The following HTR4 variants were observed in gnomAD, a reference collection of about 807,000 sequenced individuals.
HTR4 encodes the protein 5-hydroxytryptamine (serotonin) receptor 4, G protein-coupled.
Under a neutral mutation model 36.8 loss-of-function variants are expected in HTR4, and 16 were observed. The observed-to-expected ratio is 0.43, with a 90% confidence interval of 0.29 to 0.66. The LOEUF (loss-of-function observed/expected upper bound fraction) is 0.66. Among genes scored for constraint, HTR4 ranks in the 30% least tolerant of loss-of-function variants. The probability of loss-of-function intolerance (pLI) is 0.13; values close to 1 mark genes in which losing one functional copy is unlikely to be tolerated. For synonymous variants in HTR4, 189 were observed against 185.1 expected, an observed-to-expected ratio of 1.02 and a Z score of -0.17; for missense variants, 438 against 490.9, an observed-to-expected ratio of 0.89 and a Z score of 1.02.
chr5:148,610,956 G>T (rs984652595), intron 2 of HTR4, among the ~76,000 whole-genome samples: 1 of 151,078 alleles, frequency 6.6e-6, no homozygotes, highest in Non-Finnish European at 1.5e-5. Context: ...ATGAAATGAA[G>T]CAAGAAGGAA....
chr5:148,487,020 T>G (rs1756193006), intron 6 of HTR4, among the ~76,000 whole-genome samples: 2 of 152,248 alleles, frequency 1.3e-5, no homozygotes, highest in Admixed American at 1.3e-4. Context: ...TCCAATATTT[T>G]AACGGATGAG....
intron 4 of HTR4, among the ~76,000 whole-genome samples, chr5:148,529,256 T>C (rs1302515045): frequency 6.6e-6 from 1 of 152,130 alleles, no homozygotes; most frequent in Non-Finnish European, 1.5e-5. Flanking sequence ...CTAAGAATCA[T>C]GAAATCCTCA....
intron 6 of HTR4, among the ~76,000 whole-genome samples, chr5:148,490,204 C>G: frequency 6.8e-6 from 1 of 147,022 alleles, no homozygotes; most frequent in Middle Eastern, 3.6e-3. Flanking sequence ...TATATATATA[C>G]ATATATATAT....
intron 2 of HTR4, among the ~76,000 whole-genome samples, chr5:148,576,348 T>C (rs894415676): frequency 6.6e-6 from 1 of 151,936 alleles, no homozygotes; most frequent in African/African-American, 2.4e-5. Flanking sequence ...AAACATCCCA[T>C]GTGCGTGGAT....
At chr5:148,511,514 A>G (rs907102867) in intron 5 of HTR4, among the ~76,000 whole-genome samples, 1 of 152,168 alleles carries the variant, frequency 6.6e-6, no homozygotes, top group African/African-American at 2.4e-5. Flanking sequence ...ATTGCATTAT[A>G]GGAATAAACT....
chr5:148,562,362 G>A (rs926819860), intron 2 of HTR4, among the ~76,000 whole-genome samples: 1 of 152,122 alleles, frequency 6.6e-6, no homozygotes, highest in Non-Finnish European at 1.5e-5. Context: ...ACCTATAAGA[G>A]CCTAAAAGGA....
intron 5 of HTR4, among the ~76,000 whole-genome samples, chr5:148,459,031 A>C (rs2113690946): frequency 6.6e-6 from 1 of 152,234 alleles, no homozygotes; most frequent in South Asian, 2.1e-4. Flanking sequence ...GGAGCTTAGA[A>C]GTCCTGTATG....
chr5:148,489,433 G>A (rs1756311211), intron 6 of HTR4, among the ~76,000 whole-genome samples: 1 of 152,138 alleles, frequency 6.6e-6, no homozygotes, highest in African/African-American at 2.4e-5. Flanking sequence ...CTGCCCATAG[G>A]AGTGACAGTG....
chr5:148,544,842 A>T (rs1413617095), intron 4 of HTR4, among the ~76,000 whole-genome samples: 2 of 152,220 alleles, frequency 1.3e-5, no homozygotes, highest in Non-Finnish European at 1.5e-5. Context: ...CCATCTGAGA[A>T]GAGTTACAAA....
intron 5 of HTR4, among the ~76,000 whole-genome samples, chr5:148,460,130 G>A (rs990265588): frequency 8.6e-5 from 13 of 151,164 alleles, no homozygotes; most frequent in Non-Finnish European, 1.5e-5. Flanking sequence ...AAAATACAGA[G>A]CACAGTTTCC....
At chr5:148,503,473 A>G (rs1757034161) in intron 6 of HTR4, among the ~76,000 whole-genome samples, 1 of 152,236 alleles carries the variant, frequency 6.6e-6, no homozygotes, top group Non-Finnish European at 1.5e-5. Context: ...GGCCAGCCCT[A>G]AAAGAGCTCC....
chr5:148,565,972 A>G (rs1370458504), intron 2 of HTR4, among the ~76,000 whole-genome samples: 1 of 152,198 alleles, frequency 6.6e-6, no homozygotes, highest in Admixed American at 6.6e-5. Context: ...CTTGTGACAA[A>G]TGTTAAAAAA....
chr5:148,604,367 A>T (rs1007301100), intron 2 of HTR4, among the ~76,000 whole-genome samples: 8 of 151,392 alleles, frequency 5.3e-5, no homozygotes, highest in East Asian at 1.9e-4. Context: ...AAATCTTCAT[A>T]AAAAAAAAGA....
chr5:148,618,443 T>C (rs976422193), intron 2 of HTR4, among the ~76,000 whole-genome samples: 6 of 152,214 alleles, frequency 3.9e-5, no homozygotes, highest in Admixed American at 2.0e-4. Context: ...CTGGCTTCAA[T>C]TGGGCTTACT....
rs778825130 is a variant in HTR4, at chr5:148,637,068, T to C, written c.-47-7A>G. ...TTTCAATGCCCACAGGGTCCTAAAATGGGGGAAGTAAAAAGATGTTATAAA... is the reference window on the plus strand; with the variant it reads ...TTTCAATGCCCACAGGGTCCTAAAACGGGGGAAGTAAAAAGATGTTATAAA... On this transcript the variant is annotated splice_region_variant and splice_polypyrimidine_tract_variant and intron_variant, in intron 1 of 6. Coordinates refer to ENST00000377888, the MANE Select transcript of HTR4 (RefSeq NM_000870.7). 15 of 1,588,416 alleles carry C rather than the reference T, an allele frequency of 9.4e-6. No individual in the cohort carries two copies. The East Asian group carries it at 2.5e-4, about 26-fold the overall frequency.
chr5:148,590,287 C>CTT (rs779077579), intron 2 of HTR4, among the ~76,000 whole-genome samples: 3 of 33,334 alleles, frequency 9.0e-5, no homozygotes, highest in African/African-American at 2.7e-4. Context: ...TTTTTCTTTT[C>CTT]TTTTTTTTTT....
intron 2 of HTR4, among the ~76,000 whole-genome samples, chr5:148,556,814 G>A (rs146493682): frequency 2.0e-5 from 3 of 152,290 alleles, no homozygotes; most frequent in African/African-American, 7.2e-5. Context: ...TATAAAAGGT[G>A]TAAACATGAC....
intron 2 of HTR4, among the ~76,000 whole-genome samples, chr5:148,605,399 C>A (rs1029756451): frequency 1.3e-5 from 2 of 151,480 alleles, no homozygotes; most frequent in Non-Finnish European, 2.9e-5. Flanking sequence ...GCTGGGATTA[C>A]AGGTGTCTGC....
intron 2 of HTR4, among the ~76,000 whole-genome samples, chr5:148,594,069 T>C (rs1429336942): frequency 1.3e-5 from 2 of 152,200 alleles, no homozygotes; most frequent in African/African-American, 4.8e-5. Flanking sequence ...GTATATTAAA[T>C]TGTAGTCAGC....
Sources: gnomAD v4.1 joint callset for allele counts (sites outside exome capture counted in the v4.1 genomes callset) on GRCh38, gnomAD v4.1.1 for gene constraint, MANE v1.5 for transcripts, NCBI Gene and HGNC (gene_info 2026-07-23, HGNC 2026-07-21) for gene names.